BRWD1: variants seen among roughly 807,000 people sequenced by gnomAD.
BRWD1 encodes bromodomain and WD repeat-containing protein 1.
BRWD1 carries 82 observed loss-of-function variants against 251.2 expected under a neutral mutation model. The ratio of observed to expected loss-of-function variants is 0.33; its 90% CI spans 0.27 to 0.39. BRWD1 has a LOEUF of 0.39. Among genes scored for constraint, BRWD1 ranks in the 10% least tolerant of loss-of-function variants. The pLI, the probability that BRWD1 is intolerant of heterozygous loss-of-function variation, is 1.00. For synonymous variants in BRWD1, 918 were observed against 902.8 expected, an observed-to-expected ratio of 1.02 and a Z score of -0.30; for missense variants, 2,233 against 2,711.6, an observed-to-expected ratio of 0.82 and a Z score of 3.92.
At chr21:39,296,512 G>C (rs1335507499) in intron 5 of BRWD1, 149 bp from the exon 6 acceptor site, 17 of 1,251,492 alleles carry the variant, frequency 1.4e-5, no homozygotes, top group Non-Finnish European at 1.6e-5. Flanking sequence ...AGGTTTATTA[G>C]ACTATTTCTG....
intron 19 of BRWD1, 63 bp from the exon 20 acceptor site, chr21:39,250,952 G>C: frequency 1.0e-6 from 1 of 963,186 alleles, no homozygotes; most frequent in Non-Finnish European, 1.5e-6. Flanking sequence ...AGGATATAAA[G>C]AATAAAAACC....
At chr21:39,298,365 T>C in intron 5 of BRWD1, 67 bp downstream of exon 5, 1 of 1,437,708 alleles carries the variant, frequency 7.0e-7, no homozygotes, top group Non-Finnish European at 9.1e-7. Flanking sequence ...ATGCTTACAT[T>C]ACTTCACAAT....
In BRWD1 at chr21:39,187,380, C is replaced by G; in HGVS notation, c.*8879G>C. The G allele has an allele frequency of 6.2e-7, 1 of 1,600,792 alleles. No individual in the cohort carries two copies. The highest frequency in any genetic ancestry group is 8.5e-7 in the Non-Finnish European group (1 of 1,175,014). Reference sequence around the variant, plus strand: ...CCTTCTGATTATGCATACATGTTCTCACTTTTGTATTGGGTTCTCTGTCTC... The same window carrying G: ...CCTTCTGATTATGCATACATGTTCTGACTTTTGTATTGGGTTCTCTGTCTC... On this transcript the variant is annotated 3_prime_UTR_variant, in exon 41 of 41. Coordinates refer to ENST00000342449, the MANE Select transcript of BRWD1 (RefSeq NM_033656.4).
intron 29 of BRWD1, chr21:39,219,572 G>GC (rs2033090244): frequency 6.6e-6 from 1 of 152,258 alleles, no homozygotes. Flanking sequence ...GGGAACAAGG[G>GC]CATTGGGAAG....
intron 4 of BRWD1, among the ~76,000 whole-genome samples, chr21:39,310,417 T>A (rs1204390643): frequency 6.6e-6 from 1 of 152,088 alleles, no homozygotes; most frequent in Admixed American, 6.5e-5. Context: ...GGCAGGCAGA[T>A]CACCTGAAGT....
intron 37 of BRWD1, among the ~76,000 whole-genome samples, chr21:39,204,454 T>A (rs1023145689): frequency 6.6e-6 from 1 of 152,088 alleles, no homozygotes; most frequent in African/African-American, 2.4e-5. Context: ...CTAAACTACA[T>A]AGTCAAAGAA....
Position 39,190,202 on chromosome 21 carries a change from T to G in BRWD1, c.*6057A>C. ...TCAACACAATCTCTAGTTTCTACATTTCAAGGATTAATCATATTCTAATTA... is the reference window on the plus strand; with the variant it reads ...TCAACACAATCTCTAGTTTCTACATGTCAAGGATTAATCATATTCTAATTA... On this transcript the variant is annotated 3_prime_UTR_variant, in exon 41 of 41. Transcript: ENST00000342449. 1.0e-6 allele frequency: 1 copy of G among 982,500 alleles called. No homozygotes were observed. The highest frequency in any genetic ancestry group is 1.2e-6 in the Non-Finnish European group (1 of 828,198). The allele number at this position is 982,500 out of a possible 1,614,324, so 60.9% of individuals were successfully genotyped here.
intron 8 of BRWD1, among the ~76,000 whole-genome samples, chr21:39,289,731 A>G (rs1210355974): frequency 6.6e-6 from 1 of 152,228 alleles, no homozygotes; most frequent in African/African-American, 2.4e-5. Context: ...TCTATTAAGA[A>G]GCTAGCAATC....
chr21:39,196,928 G>A lies in BRWD1; in HGVS notation c.6141C>T (p.Ser2047=), dbSNP rs2031853016. The A allele has an allele frequency of 3.1e-6, 5 of 1,613,884 alleles. No homozygotes were observed. The East Asian group carries it at 8.9e-5, about 29-fold the overall frequency. Residue 2047 remains serine, a synonymous_variant, in exon 41 of 41, where the codon TCC becomes TCT. Transcript: ENST00000342449. ...KIDAPSKRKS[S]SVTSSGEDSK... is the part of the protein sequence containing the mutation. ...AATCTTCTCCTGAAGATGTAACAGA[G>A]GAACTTTTTCTTTTAGAAGGTGCAT...
intron 15 of BRWD1, among the ~76,000 whole-genome samples, chr21:39,269,546 A>G (rs971637499): frequency 2.0e-5 from 3 of 152,132 alleles, no homozygotes; most frequent in African/African-American, 2.4e-5. Flanking sequence ...TTTTATTACT[A>G]TTTTTATATT....
intron 36 of BRWD1, among the ~76,000 whole-genome samples, chr21:39,207,471 CACACACACACACAA>C (rs1336629914): frequency 3.4e-4 from 51 of 150,796 alleles, no homozygotes; most frequent in Non-Finnish European, 5.2e-4. Flanking sequence ...CACACACACA[CACACACACACACAA>C]ACAAAACTCC....
At position 39,199,007 on chromosome 21, in the gene BRWD1, G is replaced by C; in HGVS notation, c.5409C>G (p.Tyr1803Ter). The C allele has an allele frequency of 6.2e-7, 1 of 1,614,038 alleles. No individual in the cohort carries two copies. Among genetic ancestry groups the C allele is most frequent in the Non-Finnish European group, 8.5e-7 (1 of 1,179,998 alleles). The change falls in exon 40 of 41, where the codon TAC (tyrosine) becomes TAG (stop). Residue 1803 changes from tyrosine to a stop codon, truncating the protein, a stop_gained. Transcript: ENST00000342449. LOFTEE classifies it high-confidence loss of function. The stretch of plus-strand genomic sequence containing the variant: ...AACTCGCATTCTTGTGAAATGTATT[G>C]TATTTCCTACCACCAGATCTTCCTG... ...SEPGRSGGRK[Y>*]NTFHKNASFF...
intron 8 of BRWD1, among the ~76,000 whole-genome samples, chr21:39,291,914 T>C (rs1320361080): frequency 6.6e-6 from 1 of 152,216 alleles, no homozygotes; most frequent in African/African-American, 2.4e-5. Flanking sequence ...CTTCACTGTC[T>C]CACTTATTCC....
chr21:39,237,958 A>T (rs1051223042), intron 22 of BRWD1, among the ~76,000 whole-genome samples: 5 of 149,108 alleles, frequency 3.4e-5, no homozygotes, highest in African/African-American at 9.8e-5. Context: ...AGTACCAATT[A>T]AAAAAAAAAG....
intron 19 of BRWD1, among the ~76,000 whole-genome samples, chr21:39,252,266 A>AT (rs71330356): frequency 6.6e-6 from 1 of 151,274 alleles, no homozygotes; most frequent in East Asian, 1.9e-4. Flanking sequence ...AAAAAAAAAA[A>AT]TTTATAATGA....
chr21:39,191,239 G>A lies in BRWD1; in HGVS notation c.*5020C>T, dbSNP rs1321935740. ...CCTTTTCCAGCAGGGCTCCTGACTC[G>A]CTTCAGTTCCCCTATCCAAGCTCAT... On this transcript the variant is annotated 3_prime_UTR_variant, in exon 41 of 41. Transcript: ENST00000342449. 11 of 985,044 alleles carry A rather than the reference G, an allele frequency of 1.1e-5. No individual in the cohort carries two copies. In the Admixed American group the frequency reaches 3.1e-4, roughly 28 times the overall value. The allele number at this position is 985,044 out of a possible 1,614,324, so 61.0% of individuals were successfully genotyped here.
chr21:39,250,910 T>G, intron 19 of BRWD1, 21 bp from the exon 20 acceptor site: 1 of 1,421,704 alleles, frequency 7.0e-7, no homozygotes, highest in Non-Finnish European at 9.8e-7. Flanking sequence ...AAATACCCAG[T>G]TATATTAACT....
intron 29 of BRWD1, 145 bp downstream of exon 29, chr21:39,224,263 C>T (rs1052594387): frequency 1.4e-5 from 7 of 488,374 alleles, no homozygotes; most frequent in African/African-American, 8.1e-5. Flanking sequence ...AAACACGATG[C>T]TGTTGTCTTC....
At chr21:39,296,824 A>G in intron 5 of BRWD1, 1 of 974,684 alleles carries the variant, frequency 1.0e-6, no homozygotes, top group Non-Finnish European at 1.2e-6. Flanking sequence ...TATATCATAC[A>G]ATACTAAAGA....
Sources: gnomAD v4.1 joint callset for allele counts (sites outside exome capture counted in the v4.1 genomes callset) on GRCh38, gnomAD v4.1.1 for gene constraint, MANE v1.5 for transcripts, NCBI Gene and HGNC (gene_info 2026-07-23, HGNC 2026-07-21) for gene names.